Variants in CFAP95 observed in about 807,000 individuals in gnomAD.
CFAP95 encodes cilia- and flagella-associated protein 95.
the CFAP95 span, among the ~76,000 whole-genome samples, chr9:69,859,339 A>G: frequency 6.6e-6 from 1 of 151,662 alleles, no homozygotes; most frequent in South Asian, 2.1e-4. Flanking sequence ...TTGTTTTTAT[A>G]GGATCTTTTT....
At chr9:69,820,972 C>T in the CFAP95 span, 2 of 1,613,934 alleles carry the variant, frequency 1.2e-6, no homozygotes, top group Non-Finnish European at 1.7e-6. Flanking sequence ...AGCGCAAGGG[C>T]TCCCTGACCC....
the CFAP95 span, among the ~76,000 whole-genome samples, chr9:69,874,909 A>G: frequency 0.59 from 89,308 of 151,980 alleles, 26,699 homozygotes; most frequent in East Asian, 0.82. Context: ...GTGGATTGAC[A>G]TTGATGTAGT....
the CFAP95 span, among the ~76,000 whole-genome samples, chr9:69,877,952 T>C: frequency 1.3e-5 from 2 of 152,232 alleles, no homozygotes; most frequent in African/African-American, 4.8e-5. Flanking sequence ...TGCCTTGTTC[T>C]GTTCATTTAA....
the CFAP95 span, among the ~76,000 whole-genome samples, chr9:69,882,647 G>A: frequency 6.6e-6 from 1 of 152,074 alleles, no homozygotes; most frequent in Non-Finnish European, 1.5e-5. Context: ...TTGAGGATGT[G>A]TATTATAAAG....
the CFAP95 span, chr9:69,856,502 G>T: frequency 9.7e-7 from 1 of 1,029,462 alleles, no homozygotes; most frequent in South Asian, 1.5e-5. Flanking sequence ...TTTAGTAACT[G>T]ACCATTTGTA....
At chr9:69,872,737 C>A in the CFAP95 span, among the ~76,000 whole-genome samples, 1 of 152,026 alleles carries the variant, frequency 6.6e-6, no homozygotes, top group South Asian at 2.1e-4. Flanking sequence ...GTGGTCCCAG[C>A]ATGTTGAGAG....
the CFAP95 span, among the ~76,000 whole-genome samples, chr9:69,837,702 G>T: frequency 7.2e-5 from 11 of 152,200 alleles, no homozygotes; most frequent in Non-Finnish European, 1.3e-4. Flanking sequence ...TCTGATGGTA[G>T]TTTCTTTTGC....
chr9:69,822,531 C>T, the CFAP95 span, among the ~76,000 whole-genome samples: 2 of 152,180 alleles, frequency 1.3e-5, no homozygotes, highest in African/African-American at 4.8e-5. Context: ...AGCTCTCAAG[C>T]AAAACACTTA....
At chr9:69,857,940 G>C in the CFAP95 span, 1 of 1,614,066 alleles carries the variant, frequency 6.2e-7, no homozygotes, top group Non-Finnish European at 8.5e-7. Context: ...AGGTTTTGGA[G>C]CTGTCTTTCC....
the CFAP95 span, among the ~76,000 whole-genome samples, chr9:69,844,893 G>A: frequency 6.6e-6 from 1 of 152,198 alleles, no homozygotes; most frequent in Non-Finnish European, 1.5e-5. Flanking sequence ...TGTTCCTGTT[G>A]CTATGATGCT....
At chr9:69,845,707 G>A in the CFAP95 span, among the ~76,000 whole-genome samples, 1 of 145,224 alleles carries the variant, frequency 6.9e-6, no homozygotes, top group Non-Finnish European at 1.6e-5. Flanking sequence ...GAGCAAACTT[G>A]CAGGAACTAA....
chr9:69,835,559 T>C, the CFAP95 span, among the ~76,000 whole-genome samples: 8 of 152,274 alleles, frequency 5.3e-5, no homozygotes, highest in African/African-American at 1.9e-4. Context: ...TTCATTTTTA[T>C]GGACACGTTT....
the CFAP95 span, among the ~76,000 whole-genome samples, chr9:69,853,244 T>G: frequency 6.6e-6 from 1 of 152,168 alleles, no homozygotes; most frequent in African/African-American, 2.4e-5. Flanking sequence ...TCATAAGTGT[T>G]CTCTTCATTC....
At chr9:69,849,464 A>G in the CFAP95 span, among the ~76,000 whole-genome samples, 32 of 152,320 alleles carry the variant, frequency 2.1e-4, no homozygotes, top group African/African-American at 7.2e-4. Context: ...CATAATGCTA[A>G]GTGCTAGGGT....
chr9:69,892,947 A>G, the CFAP95 span, among the ~76,000 whole-genome samples: 1 of 152,096 alleles, frequency 6.6e-6, no homozygotes, highest in Admixed American at 6.5e-5. Context: ...ACCATCTTTG[A>G]TTTGTTTGTA....
chr9:69,862,860 C>T, the CFAP95 span, among the ~76,000 whole-genome samples: 3 of 152,144 alleles, frequency 2.0e-5, no homozygotes, highest in East Asian at 5.8e-4. Flanking sequence ...AACACCTTTC[C>T]TCCATAAGTG....
chr9:69,836,130 A>G, the CFAP95 span, among the ~76,000 whole-genome samples: 33 of 152,296 alleles, frequency 2.2e-4, no homozygotes, highest in African/African-American at 7.5e-4. Context: ...CCTTCTTATG[A>G]AAGGTGGTAG....
At chr9:69,822,292 C>A in the CFAP95 span, among the ~76,000 whole-genome samples, 1 of 152,204 alleles carries the variant, frequency 6.6e-6, no homozygotes, top group African/African-American at 2.4e-5. Flanking sequence ...CCGACTTCAT[C>A]CCATTCATTC....
the CFAP95 span, among the ~76,000 whole-genome samples, chr9:69,841,978 G>A: frequency 6.6e-6 from 1 of 152,164 alleles, no homozygotes; most frequent in Non-Finnish European, 1.5e-5. Flanking sequence ...AACCATATCA[G>A]GACTTGTCAT....
Sources: gnomAD v4.1 joint callset for allele counts (sites outside exome capture counted in the v4.1 genomes callset) on GRCh38, gnomAD v4.1.1 for gene constraint, MANE v1.5 for transcripts, NCBI Gene and HGNC (gene_info 2026-07-23, HGNC 2026-07-21) for gene names.